DIP2C: variants seen among roughly 807,000 people sequenced by gnomAD.
DIP2C encodes disco-interacting protein 2 homolog C.
DIP2C carries 33 observed loss-of-function variants against 192.4 expected under a neutral mutation model. That is an observed-to-expected ratio of 0.17 (90% CI 0.13 to 0.23). DIP2C has a LOEUF of 0.23. DIP2C is among the 10% of genes least tolerant of loss of function. The pLI is 1.00. For synonymous variants in DIP2C, 979 were observed against 864.1 expected, an observed-to-expected ratio of 1.13 and a Z score of -2.33; for missense variants, 1,537 against 2,110.1, an observed-to-expected ratio of 0.73 and a Z score of 5.32.
intron 1 of DIP2C, among the ~76,000 whole-genome samples, chr10:555,128 G>A (rs1238528487): frequency 6.6e-6 from 1 of 151,646 alleles, no homozygotes; most frequent in African/African-American, 2.4e-5. Context: ...CCTATAAAAT[G>A]TAAACCACAA....
At chr10:550,161 C>CA (rs1175873718) in intron 1 of DIP2C, among the ~76,000 whole-genome samples, 1 of 152,078 alleles carries the variant, frequency 6.6e-6, no homozygotes, top group East Asian at 1.9e-4. Context: ...AGGTGCCTGT[C>CA]ACCATGCCCA....
chr10:670,222 A>G (rs528499573), intron 1 of DIP2C, among the ~76,000 whole-genome samples: 5 of 142,716 alleles, frequency 3.5e-5, no homozygotes, highest in East Asian at 2.0e-4. Context: ...ACATACGCAC[A>G]CGCATGCATG....
intron 1 of DIP2C, among the ~76,000 whole-genome samples, chr10:614,508 G>C (rs906252071): frequency 1.3e-5 from 2 of 152,168 alleles, no homozygotes; most frequent in African/African-American, 4.8e-5. Context: ...CCCCCCACGA[G>C]GCTCTCCAGC....
chr10:670,157 C>T (rs769366251), intron 1 of DIP2C, among the ~76,000 whole-genome samples: 1 of 152,042 alleles, frequency 6.6e-6, no homozygotes, highest in Admixed American at 6.5e-5. Context: ...CACATATGCA[C>T]GTGCGCACAT....
At chr10:536,938 C>T (rs1588415268) in intron 1 of DIP2C, among the ~76,000 whole-genome samples, 2 of 152,320 alleles carry the variant, frequency 1.3e-5, no homozygotes, top group East Asian at 3.9e-4. Context: ...AACTTATCAT[C>T]CCTGCCGTGA....
At chr10:570,679 G>A (rs188353594) in intron 1 of DIP2C, among the ~76,000 whole-genome samples, 34 of 152,284 alleles carry the variant, frequency 2.2e-4, no homozygotes, top group African/African-American at 7.5e-4. Context: ...ACGTATTCCT[G>A]TGTAGCACCA....
In DIP2C at chr10:277,283, G is replaced by A. The variant is rs367663613; in HGVS notation, c.*42C>T. ...CGCTTCAGTGGACACGGAGAACAAT[G>A]TCTACATCTCTAGAAAAGTCCATGG... is the stretch of plus-strand genomic sequence containing the variant. On this transcript the variant is annotated 3_prime_UTR_variant, in exon 37 of 37. Transcript: ENST00000280886. The A allele has an allele frequency of 3.4e-5, 55 of 1,605,814 alleles. 1 individual carries two copies. The highest frequency in any genetic ancestry group is 3.3e-4 in the South Asian group (30 of 90,364).
chr10:390,360 C>T lies in DIP2C; in HGVS notation c.1398G>A (p.Leu466=), dbSNP rs1390836354. The stretch of plus-strand genomic sequence containing the variant: ...GTTTAGACTCTGTGACAAACCACAG[C>T]AGCTTTGGCCAACCTTGGAAATAAA... The part of the protein sequence containing the change: ...EIPQFKGWPK[L]LWFVTESKHL... The change falls in exon 12 of 37, where the codon CTG becomes CTA. Residue 466 remains leucine (L), a synonymous_variant. Transcript: ENST00000280886. 18 of 1,613,946 alleles carry T rather than the reference C, an allele frequency of 1.1e-5. No individual in the cohort carries two copies. Among genetic ancestry groups the T allele is most frequent in the Admixed American group, 1.7e-5 (1 of 59,990 alleles).
chr10:606,401 C>G (rs75781300), intron 1 of DIP2C, among the ~76,000 whole-genome samples: 3 of 145,690 alleles, frequency 2.1e-5, no homozygotes, highest in South Asian at 2.3e-4. Flanking sequence ...GCCCCGCTGC[C>G]GTAATTACCT....
At chr10:444,694 G>A (rs1445986748) in intron 3 of DIP2C, among the ~76,000 whole-genome samples, 1 of 152,200 alleles carries the variant, frequency 6.6e-6, no homozygotes, top group Non-Finnish European at 1.5e-5. Flanking sequence ...TCCACAGCAT[G>A]GTGTTCACTC....
intron 3 of DIP2C, among the ~76,000 whole-genome samples, chr10:457,612 G>C (rs1589838522): frequency 6.6e-6 from 1 of 152,250 alleles, no homozygotes; most frequent in East Asian, 1.9e-4. Context: ...GTGGGGTGCA[G>C]TGATGTGACA....
intron 1 of DIP2C, among the ~76,000 whole-genome samples, chr10:687,648 C>T (rs1031385307): frequency 6.6e-6 from 1 of 152,200 alleles, no homozygotes; most frequent in African/African-American, 2.4e-5. Context: ...ACAGGGAATT[C>T]GGCTGAGCAC....
intron 2 of DIP2C, among the ~76,000 whole-genome samples, chr10:475,387 AG>A (rs1226470665): frequency 6.6e-6 from 1 of 152,218 alleles, no homozygotes; most frequent in African/African-American, 2.4e-5. Flanking sequence ...CAAGTTGCCA[AG>A]CGTATCCAGT....
chr10:660,052 A>G (rs1465093804), intron 1 of DIP2C, among the ~76,000 whole-genome samples: 1 of 152,264 alleles, frequency 6.6e-6, no homozygotes, highest in African/African-American at 2.4e-5. Flanking sequence ...GTTCCCTCTC[A>G]TGACAGAAAC....
At chr10:396,156 C>A (rs766714603) in intron 10 of DIP2C, among the ~76,000 whole-genome samples, 1 of 152,190 alleles carries the variant, frequency 6.6e-6, no homozygotes, top group Non-Finnish European at 1.5e-5. Flanking sequence ...TCAAAACGTA[C>A]GGTTTATGTC....
chr10:380,574 G>A (rs1025739732), intron 17 of DIP2C, among the ~76,000 whole-genome samples: 12 of 152,220 alleles, frequency 7.9e-5, no homozygotes, highest in Admixed American at 3.3e-4. Context: ...GGCATAATCC[G>A]TCCTCTACAG....
intron 1 of DIP2C, among the ~76,000 whole-genome samples, chr10:571,505 C>A (rs576478382): frequency 1.3e-5 from 2 of 151,584 alleles, no homozygotes; most frequent in African/African-American, 2.4e-5. Context: ...CCCCCTTTCA[C>A]TTCCCTTCTT....
intron 17 of DIP2C, 47 bp from the exon 18 acceptor site, chr10:369,680 T>TCA (rs747125556): frequency 1.9e-6 from 3 of 1,613,644 alleles, no homozygotes. Flanking sequence ...AGATAAGCCA[T>TCA]CACAATCACA....
At chr10:599,831 T>C (rs1242802120) in intron 1 of DIP2C, among the ~76,000 whole-genome samples, 1 of 152,168 alleles carries the variant, frequency 6.6e-6, no homozygotes, top group African/African-American at 2.4e-5. Flanking sequence ...GAACAGACTT[T>C]CCTCCATGCA....
Sources: allele counts gnomAD v4.1 joint callset (sites outside exome capture counted in the v4.1 genomes callset), GRCh38; gene constraint gnomAD v4.1.1; transcripts MANE v1.5; gene names NCBI Gene and HGNC (gene_info 2026-07-23, HGNC 2026-07-21).